The following MACROH2A1 variants were observed in gnomAD, a reference collection of about 807,000 sequenced individuals.
MACROH2A1 encodes macroH2A.1 histone.
Under a neutral mutation model 31.6 loss-of-function variants are expected in MACROH2A1, and 2 were observed. The observed-to-expected ratio is 0.06, with a 90% CI of 0.03 to 0.20. The LOEUF (loss-of-function observed/expected upper bound fraction) is 0.20. Among genes scored for constraint, MACROH2A1 ranks in the 10% least tolerant of loss-of-function variants. The pLI, the probability that MACROH2A1 is intolerant of heterozygous loss-of-function variation, is 1.00. For missense variants in MACROH2A1, 230 were observed against 474.0 expected, an observed-to-expected ratio of 0.49 and a Z score of 4.78; for synonymous variants, 169 against 189.6, an observed-to-expected ratio of 0.89 and a Z score of 0.89.
At position 135,385,149 on chromosome 5, in the gene MACROH2A1, C is replaced by A. The variant is rs145033662; in HGVS notation, c.172+3773G>T. ...CCATGTGGCACATCCCATCACCATG[C>A]CTGCAATTGTCATGCCAGGTGTTGG... On this transcript the variant is annotated intron_variant, in intron 2 of 8. Coordinates refer to ENST00000511689, the MANE Select transcript of MACROH2A1 (RefSeq NM_138610.3). Among the ~76,000 whole-genome samples, 42 of 152,364 alleles carry A rather than the reference C, an allele frequency of 2.8e-4. No homozygotes were observed. The Middle Eastern group carries it at 0.01, about 37-fold the overall frequency.
At position 135,398,901 on chromosome 5, in the gene MACROH2A1, T is replaced by G. The variant is rs1457496545; in HGVS notation, c.-34+161A>C. On this transcript the variant is annotated intron_variant, in intron 1 of 8. Transcript: ENST00000511689. This position sits in a 1 kb window ranked among gnomAD's most constrained non-coding sequence, Gnocchi z 4.6. ...CCCGACAAGGCCTGGGAGGACGTAG[T>G]GCACGCGCGAGGACCCGGCGTGGGC... Among the ~76,000 whole-genome samples the G allele has an allele frequency of 6.8e-6, 1 of 147,858 alleles. No homozygotes were observed. Among genetic ancestry groups the G allele is most frequent in the Non-Finnish European group, 1.5e-5 (1 of 66,914 alleles).
Position 135,360,483 on chromosome 5 carries a change from G to C in MACROH2A1, c.588+14C>G, listed in dbSNP as rs373638064. 2 of 1,522,900 alleles carry C rather than the reference G, an allele frequency of 1.3e-6. No individual in the cohort carries two copies. The highest frequency in any genetic ancestry group is 1.8e-6 in the Non-Finnish European group (2 of 1,097,180). The allele number at this position is 1,522,900 out of a possible 1,614,324, so 94.3% of individuals were successfully genotyped here. ...TGGGGCCCTCGAGTAGACTGAGGCC[G>C]CGCATCTGCCTACCTTCTGGCCAAG... is the stretch of plus-strand genomic sequence containing the variant. On this transcript the variant is annotated intron_variant, in intron 5 of 8. Transcript: ENST00000511689.
At chr5:135,368,242 G>T (rs1401823026) in intron 4 of MACROH2A1, among the ~76,000 whole-genome samples, 1 of 152,264 alleles carries the variant, frequency 6.6e-6, no homozygotes, top group African/African-American at 2.4e-5. Context: ...CCTGCATGCG[G>T]GTGAAAGCCA....
chr5:135,395,388 G>A (rs1042590877), intron 1 of MACROH2A1, among the ~76,000 whole-genome samples: 1 of 152,194 alleles, frequency 6.6e-6, no homozygotes, highest in Non-Finnish European at 1.5e-5. Flanking sequence ...GCTAGTCAAA[G>A]AGCCCTATCT....
At chr5:135,345,895 C>T in intron 7 of MACROH2A1, 73 bp downstream of exon 7, 1 of 959,658 alleles carries the variant, frequency 1.0e-6, no homozygotes, top group Non-Finnish European at 1.7e-6. Context: ...GAATTCTAAG[C>T]CCTCTCACAA....
At chr5:135,341,981 G>A (rs1353260526) in intron 8 of MACROH2A1, among the ~76,000 whole-genome samples, 2 of 152,220 alleles carry the variant, frequency 1.3e-5, no homozygotes, top group Non-Finnish European at 2.9e-5. Flanking sequence ...AGCAGTGGCA[G>A]GTACTCTGTC....
At chr5:135,345,901 C>T (rs538418903) in intron 7 of MACROH2A1, 67 bp downstream of exon 7, 2 of 1,065,896 alleles carry the variant, frequency 1.9e-6, no homozygotes, top group South Asian at 1.2e-5. Context: ...TAAGCCCTCT[C>T]ACAAAATGGC....
intron 2 of MACROH2A1, among the ~76,000 whole-genome samples, chr5:135,384,526 A>G (rs1561658792): frequency 6.6e-6 from 1 of 152,242 alleles, no homozygotes; most frequent in Non-Finnish European, 1.5e-5. Context: ...CTGGCTCCAT[A>G]AACTGCACAA....
At chr5:135,359,129 G>A in intron 5 of MACROH2A1, 1 of 985,264 alleles carries the variant, frequency 1.0e-6, no homozygotes, top group African/African-American at 1.7e-5. Context: ...CTGATCTGAG[G>A]CTGCCTTTGG....
chr5:135,381,848 C>G (rs1765697648), intron 2 of MACROH2A1, among the ~76,000 whole-genome samples: 1 of 152,120 alleles, frequency 6.6e-6, no homozygotes, highest in Non-Finnish European at 1.5e-5. Flanking sequence ...ATACAGAAGA[C>G]AGAGTAAAAT....
intron 2 of MACROH2A1, among the ~76,000 whole-genome samples, chr5:135,378,711 G>A (rs1269017890): frequency 6.6e-6 from 1 of 152,226 alleles, no homozygotes; most frequent in Non-Finnish European, 1.5e-5. Context: ...TCCTAAGAAA[G>A]CTAGGTGGTT....
At chr5:135,371,323 T>C (rs1764150491) in intron 2 of MACROH2A1, among the ~76,000 whole-genome samples, 1 of 152,246 alleles carries the variant, frequency 6.6e-6, no homozygotes, top group Non-Finnish European at 1.5e-5. Context: ...TAAAAATTGC[T>C]AAAATAATAG....
chr5:135,384,819 C>A (rs867418596), intron 2 of MACROH2A1, among the ~76,000 whole-genome samples: 2 of 152,202 alleles, frequency 1.3e-5, no homozygotes, highest in African/African-American at 2.4e-5. Context: ...CCTCATTTCA[C>A]GGAGTATAAA....
chr5:135,385,745 G>A (rs1766313965), intron 2 of MACROH2A1, among the ~76,000 whole-genome samples: 1 of 152,204 alleles, frequency 6.6e-6, no homozygotes, highest in African/African-American at 2.4e-5. Context: ...CCTCAGAGAA[G>A]CCTTCCCTGG....
intron 4 of MACROH2A1, among the ~76,000 whole-genome samples, chr5:135,368,783 G>T (rs1312520269): frequency 6.6e-6 from 1 of 152,212 alleles, no homozygotes; most frequent in Non-Finnish European, 1.5e-5. Context: ...CCACACTGAG[G>T]ATCATGACCT....
chr5:135,386,668 A>G (rs1766449649), intron 2 of MACROH2A1, among the ~76,000 whole-genome samples: 1 of 152,168 alleles, frequency 6.6e-6, no homozygotes, highest in African/African-American at 2.4e-5. Flanking sequence ...CCCCATGGGA[A>G]TGGACTGCTG....
chr5:135,338,427 T>C (rs1269456687), intron 8 of MACROH2A1, among the ~76,000 whole-genome samples: 1 of 152,194 alleles, frequency 6.6e-6, no homozygotes, highest in Admixed American at 6.5e-5. Flanking sequence ...ATAAAGTAGG[T>C]GGCTTTGAAG....
chr5:135,388,573 G>C (rs1766750068), intron 2 of MACROH2A1, among the ~76,000 whole-genome samples: 1 of 152,186 alleles, frequency 6.6e-6, no homozygotes, highest in Admixed American at 6.5e-5. Flanking sequence ...TGCAATATAT[G>C]ATCCTGAAAT....
chr5:135,342,312 G>T (rs1006296326), intron 8 of MACROH2A1, among the ~76,000 whole-genome samples: 1 of 152,042 alleles, frequency 6.6e-6, no homozygotes, highest in African/African-American at 2.4e-5. Flanking sequence ...TGCATGGGGG[G>T]ATTATTATGC....
Sources: allele counts gnomAD v4.1 joint callset (sites outside exome capture counted in the v4.1 genomes callset), GRCh38; gene constraint gnomAD v4.1.1; non-coding constraint Gnocchi (gnomAD v3.1); transcripts MANE v1.5; gene names NCBI Gene and HGNC (gene_info 2026-07-23, HGNC 2026-07-21).